NRG1: variants seen among roughly 807,000 people sequenced by gnomAD.
NRG1 encodes the protein neuregulin 1, also known as pro-neuregulin-1, membrane-bound isoform.
NRG1 carries 18 observed loss-of-function variants against 63.8 expected under a neutral mutation model. The ratio of observed to expected loss-of-function variants is 0.28; its 90% CI spans 0.19 to 0.42. The LOEUF is 0.42. NRG1 is among the 10% of genes least tolerant of loss of function. NRG1 has a pLI of 1.00. For missense variants in NRG1, 762 were observed against 814.7 expected (o/e 0.94, Z 0.79); for synonymous variants, 302 against 301.3 (o/e 1.00, Z -0.02).
At chr8:32,602,393 A>G (rs1844533263) in intron 2 of NRG1, among the ~76,000 whole-genome samples, 1 of 152,060 alleles carries the variant, frequency 6.6e-6, no homozygotes, top group South Asian at 2.1e-4. Context: ...TGTAAATATG[A>G]TTACCATGTT....
chr8:32,731,787 C>T (rs912455806), intron 6 of NRG1, among the ~76,000 whole-genome samples: 1 of 152,142 alleles, frequency 6.6e-6, no homozygotes, highest in African/African-American at 2.4e-5. Context: ...ATTGCATTGG[C>T]TCATCATGGT....
intron 1 of NRG1, among the ~76,000 whole-genome samples, chr8:32,079,551 G>A (rs373400960): frequency 2.8e-4 from 43 of 152,206 alleles, no homozygotes; most frequent in African/African-American, 9.6e-4. Flanking sequence ...ATTCTTTCTT[G>A]TACAAATGTA....
At chr8:32,763,420 A>T (rs918516479) in intron 11 of NRG1, 1 of 1,551,254 alleles carries the variant, frequency 6.4e-7, no homozygotes, top group Non-Finnish European at 8.8e-7. Context: ...TCCTTATATA[A>T]GCTGAGAGGT....
intron 1 of NRG1, among the ~76,000 whole-genome samples, chr8:32,036,984 T>G (rs771682560): frequency 1.2e-4 from 18 of 152,336 alleles, no homozygotes; most frequent in Admixed American, 5.2e-4. Context: ...ACTGGAGATA[T>G]GTTATGATCA....
chr8:32,577,013 A>G (rs950101177), intron 1 of NRG1, among the ~76,000 whole-genome samples: 3 of 151,954 alleles, frequency 2.0e-5, no homozygotes, highest in African/African-American at 7.2e-5. Context: ...TGTTTTTGCC[A>G]TCTTTATGTC....
chr8:32,057,786 G>C (rs1180049406), intron 1 of NRG1, among the ~76,000 whole-genome samples: 1 of 152,106 alleles, frequency 6.6e-6, no homozygotes, highest in East Asian at 1.9e-4. Context: ...TTGAAATAGT[G>C]AAGTGAGCAA....
chr8:31,901,439 T>C (rs554445364), intron 1 of NRG1, among the ~76,000 whole-genome samples: 236 of 152,314 alleles, frequency 1.5e-3, no homozygotes, highest in Non-Finnish European at 2.3e-3. Flanking sequence ...GAAGGAATAA[T>C]GAAAGGCTGC....
intron 5 of NRG1, among the ~76,000 whole-genome samples, chr8:32,681,965 A>T (rs1808763054): frequency 1.3e-5 from 2 of 152,296 alleles, no homozygotes; most frequent in South Asian, 4.1e-4. Context: ...TTCTTTAAGT[A>T]CCTATTCAGT....
chr8:32,253,861 T>C (rs188673886), intron 1 of NRG1, among the ~76,000 whole-genome samples: 1 of 152,280 alleles, frequency 6.6e-6, no homozygotes, highest in Admixed American at 6.5e-5. Flanking sequence ...CTGCCTCAAT[T>C]TCAGAACTTG....
intron 1 of NRG1, among the ~76,000 whole-genome samples, chr8:32,496,225 T>G (rs6468114): frequency 0.62 from 94,716 of 151,948 alleles, 29,762 homozygotes; most frequent in East Asian, 0.79. Context: ...TATTAGATGT[T>G]AGTAAAGTTA....
At chr8:32,623,256 A>T (rs1451425026) in intron 5 of NRG1, among the ~76,000 whole-genome samples, 1 of 152,166 alleles carries the variant, frequency 6.6e-6, no homozygotes, top group Non-Finnish European at 1.5e-5. Flanking sequence ...TGGAATTTAG[A>T]CCCATGGCTC....
intron 1 of NRG1, among the ~76,000 whole-genome samples, chr8:32,409,923 A>C (rs1236935118): frequency 6.6e-6 from 1 of 152,108 alleles, no homozygotes; most frequent in African/African-American, 2.4e-5. Flanking sequence ...TCTTCAATGC[A>C]TCTTTCATCT....
intron 1 of NRG1, among the ~76,000 whole-genome samples, chr8:32,355,864 A>G (rs946632375): frequency 6.6e-6 from 1 of 152,202 alleles, no homozygotes; most frequent in South Asian, 2.1e-4. Flanking sequence ...AAGAAGTTCA[A>G]TGACTCAGCA....
intron 1 of NRG1, among the ~76,000 whole-genome samples, chr8:32,049,116 T>C (rs1821568936): frequency 6.6e-6 from 1 of 152,120 alleles, no homozygotes. Flanking sequence ...AATTTAACAC[T>C]GGATCACTTA....
intron 1 of NRG1, among the ~76,000 whole-genome samples, chr8:32,074,512 G>A (rs544686551): frequency 6.6e-6 from 1 of 152,290 alleles, no homozygotes; most frequent in East Asian, 1.9e-4. Context: ...TTGTCTTTCT[G>A]TAAATGGAAC....
At chr8:32,684,793 A>T (rs1330028946) in intron 5 of NRG1, among the ~76,000 whole-genome samples, 3 of 152,154 alleles carry the variant, frequency 2.0e-5, no homozygotes, top group Non-Finnish European at 4.4e-5. Context: ...TTGTAAGAGC[A>T]GAAAGGTAAT....
intron 1 of NRG1, among the ~76,000 whole-genome samples, chr8:32,205,690 C>T (rs1477001387): frequency 2.6e-5 from 4 of 151,958 alleles, no homozygotes; most frequent in Admixed American, 1.3e-4. Flanking sequence ...AGAGTAGCAC[C>T]GACTTGCTAC....
chr8:32,571,417 C>T (rs4733361), intron 1 of NRG1, among the ~76,000 whole-genome samples: 88,000 of 151,950 alleles, frequency 0.58, 26,135 homozygotes, highest in East Asian at 0.85. Context: ...TCAATGCCAT[C>T]GTGGTTTTAC....
At chr8:32,471,765 T>G (rs1344768786) in intron 1 of NRG1, among the ~76,000 whole-genome samples, 1 of 152,176 alleles carries the variant, frequency 6.6e-6, no homozygotes, top group Non-Finnish European at 1.5e-5. Flanking sequence ...CAACCTACCT[T>G]CTCAGCTCTA....
Sources: allele counts gnomAD v4.1 joint callset (sites outside exome capture counted in the v4.1 genomes callset), GRCh38; gene constraint gnomAD v4.1.1; transcripts MANE v1.5; gene names NCBI Gene and HGNC (gene_info 2026-07-23, HGNC 2026-07-21).